Variants in FER observed in about 807,000 individuals in gnomAD.
FER encodes tyrosine-protein kinase Fer.
Under a neutral mutation model 111.0 loss-of-function variants are expected in FER, and 63 were observed. That is an observed-to-expected ratio of 0.57 (90% CI 0.46 to 0.70). The LOEUF (loss-of-function observed/expected upper bound fraction) is 0.70, where lower values mean the gene tolerates loss of function less well. Ranked by LOEUF, FER falls within the 30% of genes least tolerant of loss-of-function variation. The probability of loss-of-function intolerance (pLI) is 0.00; values close to 1 mark genes in which losing one functional copy is unlikely to be tolerated. For missense variants in FER, 914 were observed against 954.0 expected (o/e 0.96, Z 0.55); for synonymous variants, 327 against 313.9 (o/e 1.04, Z -0.44).
At chr5:109,023,278 T>A (rs1296732992) in intron 13 of FER, among the ~76,000 whole-genome samples, 2 of 152,122 alleles carry the variant, frequency 1.3e-5, no homozygotes, top group Non-Finnish European at 2.9e-5. Flanking sequence ...AGAACCTGGA[T>A]GAATAGTAGT....
intron 5 of FER, among the ~76,000 whole-genome samples, chr5:108,837,842 A>T (rs1760827387): frequency 6.6e-6 from 1 of 152,182 alleles, no homozygotes; most frequent in South Asian, 2.1e-4. Flanking sequence ...GAATCTGAAG[A>T]TCATACTTGT....
chr5:108,904,326 A>G (rs1424798830), intron 10 of FER, among the ~76,000 whole-genome samples: 9 of 152,188 alleles, frequency 5.9e-5, no homozygotes, highest in Non-Finnish European at 1.3e-4. Context: ...ATTTTTATAC[A>G]TAGTGTGGTT....
At chr5:108,881,571 G>A (rs1765678675) in intron 8 of FER, among the ~76,000 whole-genome samples, 1 of 152,126 alleles carries the variant, frequency 6.6e-6, no homozygotes. Flanking sequence ...ACCATAGGCT[G>A]GATGGCTGAA....
chr5:109,075,173 C>CT (rs1404986702), intron 16 of FER, among the ~76,000 whole-genome samples: 3 of 151,890 alleles, frequency 2.0e-5, no homozygotes, highest in South Asian at 2.1e-4. Flanking sequence ...TTTTCTTGTT[C>CT]TTTTTTAAAG....
chr5:108,813,273 T>G (rs1271663430), intron 3 of FER, among the ~76,000 whole-genome samples: 1 of 152,154 alleles, frequency 6.6e-6, no homozygotes, highest in African/African-American at 2.4e-5. Flanking sequence ...ATGAAAAATT[T>G]GTGCCTAATG....
intron 17 of FER, among the ~76,000 whole-genome samples, chr5:109,169,968 T>C (rs1343568832): frequency 6.6e-6 from 1 of 152,216 alleles, no homozygotes; most frequent in African/African-American, 2.4e-5. Context: ...TGCATTCCAC[T>C]ATAATTAGGG....
chr5:108,835,790 A>G lies in FER; in HGVS notation c.464A>G (p.Lys155Arg). ...ATGAATTCTGCCAAAGAGAAATATA[A>G]AGAAGCTTTAGCTAAAGGTAAGGCA... ...KEMNSAKEKY[K>R]EALAKGKETE... Residue 155 changes from lysine to arginine, a missense_variant, in exon 5 of 20, where the codon AAA becomes AGA. Lys to Arg is a conservative substitution (Grantham distance 26). Around this residue, in one of 3 missense-constraint regions of FER, gnomAD observed 774 missense variants for 782.6 expected, o/e 0.99. Transcript: ENST00000281092. 1 of 1,551,112 alleles carries G rather than the reference A, an allele frequency of 6.4e-7. No individual in the cohort carries two copies.
At chr5:108,899,769 A>G (rs1476641731) in intron 10 of FER, among the ~76,000 whole-genome samples, 3 of 150,780 alleles carry the variant, frequency 2.0e-5, no homozygotes, top group East Asian at 3.9e-4. Flanking sequence ...GTGCCACTGC[A>G]CTCCAGCCTG....
chr5:108,919,015 A>T (rs1042745549), intron 10 of FER, among the ~76,000 whole-genome samples: 1 of 152,196 alleles, frequency 6.6e-6, no homozygotes, highest in Non-Finnish European at 1.5e-5. Flanking sequence ...GTATTTTAAA[A>T]CAATTAGATA....
chr5:108,944,848 T>TCTATAAA (rs775038081), intron 10 of FER, among the ~76,000 whole-genome samples: 1 of 152,124 alleles, frequency 6.6e-6, no homozygotes, highest in African/African-American at 2.4e-5. Context: ...AACCTTCATA[T>TCTATAAA]GAAAAGATGT....
chr5:108,959,991 A>G (rs1361102567), intron 13 of FER, among the ~76,000 whole-genome samples: 2 of 152,100 alleles, frequency 1.3e-5, no homozygotes, highest in Non-Finnish European at 2.9e-5. Flanking sequence ...ACTGAAGTGG[A>G]ATAATGGAAC....
At chr5:109,094,492 C>T (rs796725267) in intron 16 of FER, among the ~76,000 whole-genome samples, 38 of 152,182 alleles carry the variant, frequency 2.5e-4, no homozygotes, top group African/African-American at 8.4e-4. Context: ...AAATCTGAAA[C>T]ACTTCTGGTC....
intron 9 of FER, among the ~76,000 whole-genome samples, chr5:108,892,286 T>C (rs1354242147): frequency 6.6e-6 from 1 of 152,170 alleles, no homozygotes. Flanking sequence ...CCACCAACAG[T>C]GTAAAAGTGT....
intron 5 of FER, among the ~76,000 whole-genome samples, chr5:108,837,907 T>G (rs1760832899): frequency 6.6e-6 from 1 of 152,152 alleles, no homozygotes; most frequent in South Asian, 2.1e-4. Flanking sequence ...TATACAAGCT[T>G]AGTTGTCTTT....
At chr5:108,981,230 T>C (rs900353487) in intron 13 of FER, among the ~76,000 whole-genome samples, 2 of 151,924 alleles carry the variant, frequency 1.3e-5, no homozygotes, top group South Asian at 2.1e-4. Context: ...TATTTAAACA[T>C]AGGAAAAAGT....
chr5:108,804,219 T>G (rs746540743), intron 3 of FER, among the ~76,000 whole-genome samples: 3 of 152,222 alleles, frequency 2.0e-5, no homozygotes, highest in African/African-American at 7.2e-5. Flanking sequence ...GTTTATCAGT[T>G]TCAGGAGCCT....
intron 2 of FER, among the ~76,000 whole-genome samples, chr5:108,788,993 A>C (rs952404338): frequency 6.6e-6 from 1 of 152,222 alleles, no homozygotes; most frequent in Admixed American, 6.5e-5. Context: ...TTCTCAAGCT[A>C]TGTTGGTATA....
intron 2 of FER, among the ~76,000 whole-genome samples, chr5:108,793,135 C>T (rs1755569710): frequency 1.3e-5 from 2 of 152,120 alleles, no homozygotes; most frequent in African/African-American, 4.8e-5. Flanking sequence ...TTTTTGTTCC[C>T]ATTAACCATC....
chr5:108,925,734 C>A (rs1753647913), intron 10 of FER, among the ~76,000 whole-genome samples: 1 of 151,992 alleles, frequency 6.6e-6, no homozygotes. Context: ...ATTACTACAT[C>A]CAGTGTTTGG....
Sources: gnomAD v4.1 joint callset for allele counts (sites outside exome capture counted in the v4.1 genomes callset) on GRCh38, gnomAD v4.1.1 for gene constraint, gnomAD v4.1.1 regional missense constraint, MANE v1.5 for transcripts, NCBI Gene and HGNC (gene_info 2026-07-23, HGNC 2026-07-21) for gene names.